The following ARSH variants were observed in gnomAD, a reference collection of about 807,000 sequenced individuals.
ARSH encodes the protein arylsulfatase family member H.
A neutral mutation model predicts 28.7 loss-of-function variants in ARSH; 32 were observed. The observed-to-expected ratio is 1.11, with a 90% CI of 0.84 to 1.50. ARSH has a LOEUF of 1.50. Ranked by LOEUF, ARSH falls within the 40% of genes most tolerant of loss-of-function variation. The probability of loss-of-function intolerance (pLI) is 0.00; values close to 1 mark genes in which losing one functional copy is unlikely to be tolerated. For synonymous variants in ARSH, 176 were observed against 177.3 expected, an observed-to-expected ratio of 0.99 and a Z score of 0.06; for missense variants, 440 against 452.4, an observed-to-expected ratio of 0.97 and a Z score of 0.25.
At chrX:3,017,848 A>G (rs2089870106) in intron 4 of ARSH, among the ~76,000 whole-genome samples, 1 of 112,307 alleles carries the variant, frequency 8.9e-6, no homozygotes, top group Non-Finnish European at 1.9e-5. Context: ...GATTCTTCTG[A>G]ACTCATACCT....
chrX:3,020,976 T>G (rs1306862162), intron 5 of ARSH, among the ~76,000 whole-genome samples: 2 of 111,750 alleles, frequency 1.8e-5, no homozygotes, highest in Non-Finnish European at 3.8e-5. Context: ...ACACCCCATA[T>G]GGTTTATATG....
At position 3,014,958 on chromosome X, in the gene ARSH, T is replaced by C; in HGVS notation, c.341-12T>C. On this transcript the variant is annotated splice_polypyrimidine_tract_variant and intron_variant, in intron 3 of 8. Coordinates refer to ENST00000381130, the MANE Select transcript of ARSH (RefSeq NM_001011719.2). ...GCCATGCTGCCATGGTACGATTTTA[T>C]TTTACTTTTAGGCAAATGGCACCTG... The C allele has an allele frequency of 8.3e-7, 1 of 1,202,577 alleles. No individual in the cohort carries two copies. The highest frequency in any genetic ancestry group is 1.1e-6 in the Non-Finnish European group (1 of 889,741).
rs145244567 is a variant in ARSH, at chrX:3,018,352, C to T, written c.765-182C>T. Among the ~76,000 whole-genome samples, 50 of 111,765 alleles carry T rather than the reference C, an allele frequency of 4.5e-4. No homozygotes were observed. In the East Asian group the frequency reaches 0.013, roughly 29 times the overall value. ...TGTTCTGTTATCCTTCATTCCTCCT[C>T]ATATCCTTTCAACATAAATCTTGTG... On this transcript the variant is annotated intron_variant, in intron 4 of 8. Transcript: ENST00000381130.
intron 5 of ARSH, among the ~76,000 whole-genome samples, chrX:3,022,440 G>C (rs771227048): frequency 9.0e-6 from 1 of 111,640 alleles, no homozygotes; most frequent in Admixed American, 9.6e-5. Context: ...CTGAGTTTAC[G>C]TATAAACAGT....
chrX:3,012,598 T>TATAA (rs1446627542), intron 2 of ARSH, among the ~76,000 whole-genome samples: 4 of 19,459 alleles, frequency 2.1e-4, no homozygotes, highest in Non-Finnish European at 2.4e-4. Flanking sequence ...TATATATATA[T>TATAA]AATATATATA....
At chrX:3,029,161 C>A in intron 7 of ARSH, 86 bp from the exon 8 acceptor site, 1 of 996,629 alleles carries the variant, frequency 1.0e-6, no homozygotes, top group Non-Finnish European at 1.3e-6. Context: ...CCTCCTCCTC[C>A]TCCTCCTCCT....
At chrX:3,022,985 TGAC>T (rs755723772) in intron 5 of ARSH, among the ~76,000 whole-genome samples, 6 of 109,844 alleles carry the variant, frequency 5.5e-5, no homozygotes, top group Non-Finnish European at 9.5e-5. Context: ...GGGGCAATGA[TGAC>T]CTTATGTATT....
intron 7 of ARSH, among the ~76,000 whole-genome samples, 153 bp downstream of exon 7, chrX:3,027,628 C>T (rs772147760): frequency 1.8e-5 from 2 of 111,816 alleles, no homozygotes; most frequent in Non-Finnish European, 3.8e-5. Context: ...CCCCTTGGTG[C>T]GTGGTGGAAT....
chrX:3,017,198 T>C (rs1300756036), intron 4 of ARSH, among the ~76,000 whole-genome samples: 2 of 111,552 alleles, frequency 1.8e-5, no homozygotes, highest in Non-Finnish European at 3.8e-5. Context: ...CTCCATCTCC[T>C]TCCCTTCTTT....
rs769329975 is a variant in ARSH at position 3,033,219 on chromosome X, A to G, written c.1523A>G (p.Lys508Arg). The change falls in exon 9 of 9, where the codon AAA becomes AGA. Residue 508 changes from lysine to arginine, a missense_variant. Lys to Arg is a conservative substitution (Grantham distance 26, BLOSUM62 2). Transcript: ENST00000381130. ...GAGCCATTATTTGACTCCGTGATCA[A>G]AAAGATGGAGGCAGCCATAAGAGAG... ...DNEPLFDSVI[K>R]KMEAAIREHR... 9 of 1,209,875 alleles carry G rather than the reference A, an allele frequency of 7.4e-6. No homozygotes were observed. The highest frequency in any genetic ancestry group is 1.0e-5 in the Non-Finnish European group (9 of 895,219).
intron 6 of ARSH, among the ~76,000 whole-genome samples, chrX:3,025,067 C>G (rs1603463544): frequency 9.2e-6 from 1 of 109,192 alleles, no homozygotes; most frequent in Non-Finnish European, 1.9e-5. Flanking sequence ...TATAAATTCA[C>G]CGTATTAATT....
chrX:3,008,436 C>G (rs1311661898), intron 1 of ARSH, among the ~76,000 whole-genome samples: 2 of 107,924 alleles, frequency 1.9e-5, no homozygotes, highest in Admixed American at 2.0e-4. Context: ...AGGCATTGGT[C>G]TTCTTCTTCT....
intron 4 of ARSH, among the ~76,000 whole-genome samples, chrX:3,016,242 G>GT (rs1485078358): frequency 1.8e-5 from 2 of 109,987 alleles, no homozygotes; most frequent in African/African-American, 3.3e-5. Flanking sequence ...AAGTTCCTGG[G>GT]CTCAAGTGAT....
chrX:3,017,410 G>A (rs1212200311), intron 4 of ARSH, among the ~76,000 whole-genome samples: 1 of 110,491 alleles, frequency 9.1e-6, no homozygotes, highest in Admixed American at 9.8e-5. Flanking sequence ...TACAAAAAAT[G>A]TACAAAATTA....
intron 8 of ARSH, among the ~76,000 whole-genome samples, chrX:3,031,517 T>C (rs935229144): frequency 3.6e-5 from 4 of 111,967 alleles, no homozygotes; most frequent in Non-Finnish European, 7.5e-5. Flanking sequence ...AATTCTTACT[T>C]GGTTGGATTT....
intron 8 of ARSH, among the ~76,000 whole-genome samples, chrX:3,031,645 T>C (rs936393745): frequency 1.9e-4 from 21 of 111,496 alleles, no homozygotes; most frequent in African/African-American, 5.2e-4. Context: ...AATAAGTAAA[T>C]AAAAATCTAT....
chrX:3,025,795 G>A (rs181535750), intron 6 of ARSH, among the ~76,000 whole-genome samples: 4 of 110,356 alleles, frequency 3.6e-5, no homozygotes, highest in African/African-American at 1.3e-4. Flanking sequence ...CAGTCATGAT[G>A]ATTCTAACAA....
At chrX:3,019,432 T>C (rs1052080859) in intron 5 of ARSH, among the ~76,000 whole-genome samples, 3 of 111,530 alleles carry the variant, frequency 2.7e-5, no homozygotes, top group African/African-American at 9.8e-5. Flanking sequence ...TAGTGTTCAC[T>C]ATAAAGAAAT....
chrX:3,007,331 C>T (rs1438906506), intron 1 of ARSH, among the ~76,000 whole-genome samples: 1 of 107,865 alleles, frequency 9.3e-6, no homozygotes, highest in Non-Finnish European at 1.9e-5. Flanking sequence ...GTTGGACAAC[C>T]GTCACCCCCA....
Sources: allele counts gnomAD v4.1 joint callset (sites outside exome capture counted in the v4.1 genomes callset), GRCh38; gene constraint gnomAD v4.1.1; transcripts MANE v1.5; gene names NCBI Gene and HGNC (gene_info 2026-07-23, HGNC 2026-07-21).